Variants in LBX2 observed in about 807,000 individuals in gnomAD.
LBX2 encodes the protein transcription factor LBX2.
In LBX2, 6 loss-of-function variants were observed where a neutral mutation model predicts 7.5. The observed-to-expected ratio is 0.80, with a 90% CI of 0.44 to 1.59. LBX2 has a LOEUF of 1.59. Ranked by LOEUF, LBX2 falls within the 40% of genes most tolerant of loss-of-function variation. The pLI is 0.01. For missense variants in LBX2, 281 were observed against 282.0 expected (o/e 1.00, Z 0.03); for synonymous variants, 143 against 133.2 (o/e 1.07, Z -0.51).
upstream of LBX2, chr2:74,503,130 G>A: frequency 2.4e-6 from 1 of 422,700 alleles, no homozygotes; most frequent in Non-Finnish European, 4.2e-6. This position sits in a 1 kb window ranked among gnomAD's most constrained non-coding sequence, Gnocchi z 5.1. Flanking sequence ...GCCGCGCCGC[G>A]TCCGGGCGCG....
At chr2:74,502,355 T>G, upstream of LBX2, 1 of 397,950 alleles carries the variant, frequency 2.5e-6, no homozygotes. This position sits in a 1 kb window ranked among gnomAD's most constrained non-coding sequence, Gnocchi z 5.4. Flanking sequence ...TAAACGACCT[T>G]TAGTCTCGGA....
upstream of LBX2, among the ~76,000 whole-genome samples, chr2:74,499,953 C>T (rs1380750920): frequency 6.6e-6 from 1 of 152,200 alleles, no homozygotes; most frequent in African/African-American, 2.4e-5. The surrounding 1 kb of genome is among the most constrained non-coding windows in gnomAD (Gnocchi z 4.6). Flanking sequence ...TCTCTGGCCC[C>T]AGCGGCTGGG....
chr2:74,501,872 C>G (rs1216162796), upstream of LBX2: 2 of 151,976 alleles, frequency 1.3e-5, no homozygotes, highest in Non-Finnish European at 2.9e-5. Flanking sequence ...AGGGGACACT[C>G]ACTCGGCTGT....
chr2:74,499,438 G>A lies in LBX2; in HGVS notation c.100C>T (p.Leu34Phe). The change falls in exon 1 of 2, where the codon CTT becomes TTT. Residue 34 changes from leucine (L) to phenylalanine (F), a missense_variant. Transcript: ENST00000377566. This position sits in a 1 kb window ranked among gnomAD's most constrained non-coding sequence, Gnocchi z 4.6. ...MVPRAPSAPQ[L>F]PESGPGPTSP... ...GTTGGACCCGGACCCGACTCTGGAA[G>A]CTGCGGCGCAGAGGGTGCTCGGGGG... 1 of 1,550,630 alleles carries A rather than the reference G, an allele frequency of 6.4e-7. No homozygotes were observed. The highest frequency in any genetic ancestry group is 8.7e-7 in the Non-Finnish European group (1 of 1,146,994).
At position 74,498,431 on chromosome 2, in the gene LBX2, C is replaced by A. The variant is rs960518432; in HGVS notation, c.206-113G>T. 28 of 804,088 alleles carry A rather than the reference C, an allele frequency of 3.5e-5. No individual in the cohort carries two copies. The Admixed American group carries it at 3.9e-4, about 11-fold the overall frequency. 49.8% of individuals were successfully genotyped at this position (804,088 alleles called of 1,614,324 possible). On this transcript the variant is annotated intron_variant, in intron 1 of 1. Coordinates refer to ENST00000377566, the MANE Select transcript of LBX2 (RefSeq NM_001282430.2). ...GGCGGTGGGGGAAGTAGAGGGAGAG[C>A]CAGGAAGGCGGACGGAGACCAGAAC... is the stretch of plus-strand genomic sequence containing the variant.
upstream of LBX2, among the ~76,000 whole-genome samples, chr2:74,499,984 A>AGGCTATCAGGGCTGACTGTGCT (rs1278377362): frequency 6.6e-6 from 1 of 152,168 alleles, no homozygotes; most frequent in East Asian, 1.9e-4. The surrounding 1 kb of genome is among the most constrained non-coding windows in gnomAD (Gnocchi z 4.6). Context: ...GTTCTGAGGA[A>AGGCTATCAGGGCTGACTGTGCT]GGCTATCAGG....
chr2:74,500,548 A>G (rs1159662645), upstream of LBX2, among the ~76,000 whole-genome samples: 1 of 152,206 alleles, frequency 6.6e-6, no homozygotes, highest in East Asian at 1.9e-4. Context: ...ATCTTGGGAC[A>G]TTCCTGACAA....
rs1558591756 is a variant in LBX2 at position 74,499,232 on chromosome 2, G to A, written c.205+101C>T. 6.7e-6 allele frequency: 7 copies of A among 1,046,344 alleles called. No homozygotes were observed. Among genetic ancestry groups the A allele is most frequent in the Non-Finnish European group, 1.4e-6 (1 of 701,018 alleles). 64.8% of individuals were successfully genotyped at this position (1,046,344 alleles called of 1,614,324 possible). A position where few individuals can be genotyped will look rare whatever the true frequency, so the allele number is the denominator to read the frequency against. On this transcript the variant is annotated intron_variant, in intron 1 of 1. Coordinates refer to ENST00000377566, the MANE Select transcript of LBX2 (RefSeq NM_001282430.2). This position sits in a 1 kb window ranked among gnomAD's most constrained non-coding sequence, Gnocchi z 4.6. Reference sequence around the variant, plus strand: ...GGGCTGAGGACAGGGGAGGATTAGGGTGGGTGGCCTGGGCTGGGACAAAGG... The same window carrying A: ...GGGCTGAGGACAGGGGAGGATTAGGATGGGTGGCCTGGGCTGGGACAAAGG...
At position 74,498,315 on chromosome 2, in the gene LBX2, C is replaced by T. The variant is rs993960463; in HGVS notation, c.209G>A (p.Arg70Gln). The change falls in exon 2 of 2, where the codon CGG (arginine) becomes CAG (glutamine). Residue 70 changes from arginine to glutamine, a missense_variant. Arg to Gln is a conservative substitution (Grantham distance 43, BLOSUM62 1). This residue lies in a region of LBX2 where 216 missense variants were observed against 208.7 expected (regional missense o/e 1.03). Transcript: ENST00000377566. ...AGGGCCCAGCGCGTCCGGACCTGCC[C>T]GCCCTGTAGGGATAGGGAGGGGGTC... ...DARALQPSEG[R>Q]AGPDALGPGP... 12 of 1,526,794 alleles carry T rather than the reference C, an allele frequency of 7.9e-6. No homozygotes were observed. The highest frequency in any genetic ancestry group is 4.1e-5 in the African/African-American group (3 of 73,182). The allele number at this position is 1,526,794 out of a possible 1,614,324, so 94.6% of individuals were successfully genotyped here.
Position 74,499,130 on chromosome 2 carries a change from G to T in LBX2, c.205+203C>A, listed in dbSNP as rs971460306. 10 of 602,948 alleles carry T rather than the reference G, an allele frequency of 1.7e-5. No individual in the cohort carries two copies. Among genetic ancestry groups the T allele is most frequent in the Admixed American group, 5.9e-5 (2 of 33,984 alleles). The allele number at this position is 602,948 out of a possible 1,614,324, so 37.3% of individuals were successfully genotyped here. A position where few individuals can be genotyped will look rare whatever the true frequency, so the allele number is the denominator to read the frequency against. On this transcript the variant is annotated intron_variant, in intron 1 of 1. Coordinates refer to ENST00000377566, the MANE Select transcript of LBX2 (RefSeq NM_001282430.2). The surrounding 1 kb of genome is among the most constrained non-coding windows in gnomAD (Gnocchi z 4.6). ...TCTGCCCTTTTCCCTTGGCACTGGC[G>T]GCCTTCCGGAGCCGCCGCGGAACCT...
Position 74,499,265 on chromosome 2 carries a change from C to G in LBX2, c.205+68G>C. On this transcript the variant is annotated intron_variant, in intron 1 of 1. Transcript: ENST00000377566. The surrounding 1 kb of genome is among the most constrained non-coding windows in gnomAD (Gnocchi z 4.6). ...CCTGGGCTGGGACAAAGGTTTGAGA[C>G]GGGGAACCAGGAGGAGAGAGGTGAG... 1 of 1,388,444 alleles carries G rather than the reference C, an allele frequency of 7.2e-7. No homozygotes were observed. Among genetic ancestry groups the G allele is most frequent in the Non-Finnish European group, 1.0e-6 (1 of 1,002,768 alleles). 86.0% of individuals were successfully genotyped at this position (1,388,444 alleles called of 1,614,324 possible).
upstream of LBX2, chr2:74,499,729 A>T (rs1674445717): frequency 1.6e-6 from 1 of 617,950 alleles, no homozygotes. This position sits in a 1 kb window ranked among gnomAD's most constrained non-coding sequence, Gnocchi z 4.6. Flanking sequence ...GAGCTCCTAG[A>T]TGTCCGGGGA....
chr2:74,497,699 A>C lies in LBX2; in HGVS notation c.*228T>G, dbSNP rs1674381750. 4.2e-6 allele frequency: 2 copies of C among 480,846 alleles called. No homozygotes were observed. The highest frequency in any genetic ancestry group is 8.7e-5 in the South Asian group (2 of 22,930). 29.8% of individuals were successfully genotyped at this position (480,846 alleles called of 1,614,324 possible). ...CTTGAGCCCAGGAGGTCGCGACTGC[A>C]GTGAGCGGTGATCGCTCCACGGCAC... On this transcript the variant is annotated 3_prime_UTR_variant, in exon 2 of 2. Transcript: ENST00000377566.
chr2:74,503,172 G>T, upstream of LBX2: 1 of 335,112 alleles, frequency 3.0e-6, no homozygotes, highest in Non-Finnish European at 5.5e-6. The surrounding 1 kb of genome is among the most constrained non-coding windows in gnomAD (Gnocchi z 5.1). Flanking sequence ...AGAGGACCCT[G>T]GGCGTGATTC....
At chr2:74,503,245 A>G (rs867204793), upstream of LBX2, 1 of 190,628 alleles carries the variant, frequency 5.2e-6, no homozygotes, top group Non-Finnish European at 1.1e-5. The surrounding 1 kb of genome is among the most constrained non-coding windows in gnomAD (Gnocchi z 5.1). Flanking sequence ...TGGGGAATGG[A>G]CCCATAGACC....
In LBX2 at chr2:74,499,256, G is replaced by T; in HGVS notation, c.205+77C>A. ...GGTGGGTGGCCTGGGCTGGGACAAAGGTTTGAGACGGGGAACCAGGAGGAG... is the reference window on the plus strand; with the variant it reads ...GGTGGGTGGCCTGGGCTGGGACAAATGTTTGAGACGGGGAACCAGGAGGAG... On this transcript the variant is annotated intron_variant, in intron 1 of 1. Transcript: ENST00000377566. The surrounding 1 kb of genome is among the most constrained non-coding windows in gnomAD (Gnocchi z 4.6). The T allele has an allele frequency of 4.5e-6, 6 of 1,346,482 alleles. No homozygotes were observed. The highest frequency in any genetic ancestry group is 6.2e-6 in the Non-Finnish European group (6 of 965,966). 83.4% of individuals were successfully genotyped at this position (1,346,482 alleles called of 1,614,324 possible). A position where few individuals can be genotyped will look rare whatever the true frequency, so the allele number is the denominator to read the frequency against.
At position 74,498,007 on chromosome 2, in the gene LBX2, C is replaced by T. The variant is rs1053002659; in HGVS notation, c.517G>A (p.Asp173Asn). ...CSLALPEGAP[D>N]PGLCLGPAGP... ...GCAGGGCCGAGGCAGAGGCCGGGAT[C>T]TGGAGCGCCTTCGGGCAGTGCTAAG... Residue 173 changes from aspartate (D) to asparagine (N), a missense_variant, in exon 2 of 2, where the codon GAT becomes AAT. By Grantham distance (23) the Asp-to-Asn change is conservative. This residue lies in a region of LBX2 where 59 missense variants were observed against 52.9 expected (regional missense o/e 1.11). Transcript: ENST00000377566. The T allele has an allele frequency of 1.2e-6, 2 of 1,610,718 alleles. No individual in the cohort carries two copies. Among genetic ancestry groups the T allele is most frequent in the African/African-American group, 1.3e-5 (1 of 74,888 alleles).
rs777056738 is a variant in LBX2, at chr2:74,497,989, C to T, written c.535G>A (p.Gly179Ser). ...GGCCGGGAGTCAGGGCCGGCAGGGC[C>T]GAGGCAGAGGCCGGGATCTGGAGCG... Reference protein sequence around the residue: ...EGAPDPGLCLGPAGPDSRPHL... With the variant: ...EGAPDPGLCLSPAGPDSRPHL... The change falls in exon 2 of 2, where the codon GGC (glycine) becomes AGC (serine). Residue 179 changes from glycine to serine, a missense_variant. By Grantham distance (56) the Gly-to-Ser change is moderately conservative (BLOSUM62 0). Around this residue, in one of 3 missense-constraint regions of LBX2, gnomAD observed 59 missense variants for 52.9 expected, o/e 1.11. Transcript: ENST00000377566. 1.9e-6 allele frequency: 3 copies of T among 1,607,108 alleles called. No individual in the cohort carries two copies. In the African/African-American group the frequency reaches 4.0e-5, roughly 21 times the overall value.
upstream of LBX2, chr2:74,499,723 T>A: frequency 1.6e-6 from 1 of 626,694 alleles, no homozygotes; most frequent in Non-Finnish European, 2.8e-6. This position sits in a 1 kb window ranked among gnomAD's most constrained non-coding sequence, Gnocchi z 4.6. Context: ...GATCTGGAGC[T>A]CCTAGATGTC....
Sources: allele counts gnomAD v4.1 joint callset (sites outside exome capture counted in the v4.1 genomes callset), GRCh38; gene constraint gnomAD v4.1.1; regional missense constraint gnomAD v4.1.1; non-coding constraint Gnocchi (gnomAD v3.1); transcripts MANE v1.5; gene names NCBI Gene and HGNC (gene_info 2026-07-23, HGNC 2026-07-21).